Variants in C5 observed in about 807,000 individuals in gnomAD.
C5 encodes complement C5, also known as C3 and PZP-like alpha-2-macroglobulin domain-containing protein 4.
In C5, 140 loss-of-function variants were observed where a neutral mutation model predicts 218.8. The observed-to-expected ratio is 0.64, with a 90% CI of 0.56 to 0.74. The LOEUF is 0.74. Among genes scored for constraint, C5 ranks in the 30% least tolerant of loss-of-function variants. C5 has a pLI of 0.00. For synonymous variants in C5, 614 were observed against 682.3 expected (o/e 0.90, Z 1.56); for missense variants, 1,700 against 1,969.6 (o/e 0.86, Z 2.59).
At chr9:120,954,814 G>T (rs1468669366) in intron 39 of C5, among the ~76,000 whole-genome samples, 2 of 152,202 alleles carry the variant, frequency 1.3e-5, no homozygotes, top group Admixed American at 6.5e-5. Flanking sequence ...ATAAATTTCA[G>T]TGTACACCCA....
rs1377631355 is a variant in C5, at chr9:120,960,333, A to G, written c.4593T>C (p.Asp1531=). The G allele has an allele frequency of 1.9e-6, 3 of 1,610,542 alleles. No homozygotes were observed. The highest frequency in any genetic ancestry group is 2.2e-5 in the East Asian group (1 of 44,852). The change falls in exon 38 of 41, where the codon GAT becomes GAC. Residue 1531 remains aspartate (D), a synonymous_variant. Coordinates refer to ENST00000223642, the MANE Select transcript of C5 (RefSeq NM_001735.3). ...EGAACKCVEA[D]CGQMQEELDL... ...CCAATTCTTCCTGCATTTGCCCACAATCAGCTGGATTTTGTGAAAATTGGT... is the reference window on the plus strand; with the variant it reads ...CCAATTCTTCCTGCATTTGCCCACAGTCAGCTGGATTTTGTGAAAATTGGT...
At chr9:120,995,315 A>G (rs1176293988) in intron 22 of C5, among the ~76,000 whole-genome samples, 1 of 152,216 alleles carries the variant, frequency 6.6e-6, no homozygotes, top group Non-Finnish European at 1.5e-5. Flanking sequence ...CAACGTTAAG[A>G]TAAGTTGTAA....
chr9:121,023,050 C>CT (rs962147638), intron 10 of C5, among the ~76,000 whole-genome samples: 14 of 152,076 alleles, frequency 9.2e-5, no homozygotes, highest in African/African-American at 3.4e-4. Context: ...CATCTTAAGG[C>CT]TTTTTAAGAA....
chr9:120,969,203 T>C, intron 32 of C5, 85 bp from the exon 33 acceptor site: 1 of 1,046,836 alleles, frequency 9.6e-7, no homozygotes, highest in South Asian at 1.3e-5. Flanking sequence ...AACAGAATCA[T>C]TAATGAGCAA....
intron 4 of C5, among the ~76,000 whole-genome samples, chr9:121,037,607 G>A (rs537660404): frequency 1.8e-4 from 28 of 152,126 alleles, no homozygotes; most frequent in Middle Eastern, 3.4e-3. Flanking sequence ...CACCACGCCC[G>A]GCCAGTGGGT....
At chr9:121,019,140 T>TAA (rs41309846) in intron 12 of C5, among the ~76,000 whole-genome samples, 5 of 147,314 alleles carry the variant, frequency 3.4e-5, no homozygotes, top group African/African-American at 1.2e-4. Context: ...GGTTTAAGAT[T>TAA]AAAAAAAAAA....
Position 121,023,485 on chromosome 9 carries a change from G to A in C5, c.1035C>T (p.Ile345=), listed in dbSNP as rs1397288026. 10 of 1,613,584 alleles carry A rather than the reference G, an allele frequency of 6.2e-6. 1 individual carries two copies. Among genetic ancestry groups the A allele is most frequent in the Middle Eastern group, 3.3e-4 (2 of 6,082 alleles). Residue 345 remains isoleucine (I), a synonymous_variant, in exon 10 of 41, where the codon ATC becomes ATT. Transcript: ENST00000223642. ...GFSEEAEIPG[I]KYVLSPYKLN... ...GTTTGTAGGGAGAGAGGACATATTT[G>A]ATGCCAGGTATTTCTGCCTCTTCAG...
chr9:120,969,029 G>A (rs778445636), intron 33 of C5, 32 bp downstream of exon 33: 2 of 1,581,636 alleles, frequency 1.3e-6, no homozygotes, highest in Admixed American at 1.7e-5. Flanking sequence ...AGAACTTGGA[G>A]TCTATGCTCC....
intron 33 of C5, among the ~76,000 whole-genome samples, chr9:120,967,293 C>T (rs1728423106): frequency 6.6e-6 from 1 of 150,412 alleles, no homozygotes; most frequent in Admixed American, 6.6e-5. Flanking sequence ...GGTTTAGATA[C>T]TGGATTGAAC....
At chr9:121,012,810 G>A (rs2047272793) in intron 17 of C5, among the ~76,000 whole-genome samples, 1 of 152,124 alleles carries the variant, frequency 6.6e-6, no homozygotes, top group African/African-American at 2.4e-5. Flanking sequence ...TGTACAGCAT[G>A]TTACTGAACA....
At chr9:120,990,652 G>A (rs1207288340) in intron 23 of C5, among the ~76,000 whole-genome samples, 4 of 152,176 alleles carry the variant, frequency 2.6e-5, no homozygotes, top group Non-Finnish European at 4.4e-5. Context: ...GAAACAGAGA[G>A]CAGCCCTTGC....
intron 28 of C5, among the ~76,000 whole-genome samples, chr9:120,977,634 G>T (rs1454236518): frequency 6.6e-6 from 1 of 152,086 alleles, no homozygotes; most frequent in Non-Finnish European, 1.5e-5. Flanking sequence ...TATCCAGCCT[G>T]GTCTCAAACT....
chr9:121,037,533 G>A (rs1224807256), intron 4 of C5, among the ~76,000 whole-genome samples: 1 of 151,934 alleles, frequency 6.6e-6, no homozygotes, highest in African/African-American at 2.4e-5. Context: ...GGTTAGTCTC[G>A]ATCTCCTGAC....
intron 33 of C5, among the ~76,000 whole-genome samples, chr9:120,964,356 C>CTG (rs1254877157): frequency 6.6e-6 from 1 of 152,174 alleles, no homozygotes; most frequent in Non-Finnish European, 1.5e-5. Flanking sequence ...TGGGACACAC[C>CTG]TGTAATCCTA....
intron 22 of C5, among the ~76,000 whole-genome samples, chr9:120,993,007 T>C (rs908810339): frequency 6.6e-6 from 1 of 152,166 alleles, no homozygotes; most frequent in Non-Finnish European, 1.5e-5. Flanking sequence ...GCAAAAGATA[T>C]GAATAGGCAA....
rs566722317 is a variant in C5, at chr9:121,013,137, T to C, written c.2257+736A>G. Among the ~76,000 whole-genome samples the C allele has an allele frequency of 9.6e-4, 146 of 152,154 alleles. 1 individual carries two copies. Among genetic ancestry groups the C allele is most frequent in the Admixed American group, 2.9e-3 (45 of 15,280 alleles). On this transcript the variant is annotated intron_variant, in intron 17 of 40. Transcript: ENST00000223642. ...GAGTTCAAGACCAGCCTGGCCAATA[T>C]GGTGAAACCCTGTCCCTACTAAAAA...
chr9:121,040,179 G>C (rs771586594), intron 3 of C5, among the ~76,000 whole-genome samples: 1 of 152,222 alleles, frequency 6.6e-6, no homozygotes, highest in Non-Finnish European at 1.5e-5. Flanking sequence ...GTGATGACAC[G>C]TGAGGGTGAA....
intron 12 of C5, among the ~76,000 whole-genome samples, chr9:121,018,145 C>T (rs897393547): frequency 6.9e-6 from 1 of 145,570 alleles, no homozygotes; most frequent in African/African-American, 2.6e-5. Flanking sequence ...CACACCTACT[C>T]GGGAGGCTGA....
chr9:121,038,853 G>T (rs2047552646), intron 3 of C5, among the ~76,000 whole-genome samples: 1 of 152,166 alleles, frequency 6.6e-6, no homozygotes, highest in Non-Finnish European at 1.5e-5. Context: ...AAAACAATGT[G>T]CTCAGTAAAT....
Sources: allele counts gnomAD v4.1 joint callset (sites outside exome capture counted in the v4.1 genomes callset), GRCh38; gene constraint gnomAD v4.1.1; transcripts MANE v1.5; gene names NCBI Gene and HGNC (gene_info 2026-07-23, HGNC 2026-07-21).